CLEC4G: variants seen among roughly 807,000 people sequenced by gnomAD.
CLEC4G encodes the protein C-type lectin superfamily 4, member G.
CLEC4G carries 34 observed loss-of-function variants against 37.0 expected under a neutral mutation model. That is an observed-to-expected ratio of 0.92 (90% CI 0.70 to 1.22). CLEC4G has a LOEUF of 1.22. Ranked by LOEUF, CLEC4G falls within the 50% of genes most tolerant of loss-of-function variation. CLEC4G has a pLI of 0.00. For synonymous variants in CLEC4G, 167 were observed against 165.6 expected (o/e 1.01, Z -0.06); for missense variants, 390 against 392.9 (o/e 0.99, Z 0.06).
chr19:7,730,742 G>C lies in CLEC4G; in HGVS notation c.388+13C>G, dbSNP rs1257279550. 2 of 1,529,826 alleles carry C rather than the reference G, an allele frequency of 1.3e-6. No homozygotes were observed. Among genetic ancestry groups the C allele is most frequent in the Non-Finnish European group, 1.7e-6 (2 of 1,144,406 alleles). The allele number at this position is 1,529,826 out of a possible 1,614,324, so 94.8% of individuals were successfully genotyped here. A position where few individuals can be genotyped will look rare whatever the true frequency, so the allele number is the denominator to read the frequency against. ...GGCCAGGGCTCAGGGCCGGGGTCGC[G>C]TCGGGCCCTCACCGCGCTCACGCAG... is the stretch of plus-strand genomic sequence containing the variant. On this transcript the variant is annotated intron_variant, in intron 5 of 8. Coordinates refer to ENST00000328853, the MANE Select transcript of CLEC4G (RefSeq NM_198492.4). The surrounding 1 kb of genome is among the most constrained non-coding windows in gnomAD (Gnocchi z 7.3).
chr19:7,730,715 G>A lies in CLEC4G; in HGVS notation c.388+40C>T, dbSNP rs1041527643. On this transcript the variant is annotated intron_variant, in intron 5 of 8. Transcript: ENST00000328853. The surrounding 1 kb of genome is among the most constrained non-coding windows in gnomAD (Gnocchi z 7.3). The stretch of plus-strand genomic sequence containing the variant: ...CAGGACGGGGTCGGGGTCGGGGGAC[G>A]CGGCCAGGGCTCAGGGCCGGGGTCG... 3 of 1,510,078 alleles carry A rather than the reference G, an allele frequency of 2.0e-6. No individual in the cohort carries two copies. Among genetic ancestry groups the A allele is most frequent in the Non-Finnish European group, 2.6e-6 (3 of 1,133,712 alleles). 93.5% of individuals were successfully genotyped at this position (1,510,078 alleles called of 1,614,324 possible).
In CLEC4G at chr19:7,731,266, C is replaced by T; in HGVS notation, c.220G>A (p.Ala74Thr). Residue 74 changes from alanine (A) to threonine (T), a missense_variant and splice_region_variant, in exon 3 of 9, where the codon GCC becomes ACC. Physicochemically the swap from Ala to Thr is moderately conservative, Grantham distance 58. Transcript: ENST00000328853. ...LDGHDLLRTN[A>T]SKQTAALGAL... ...CCCAGGCGCCCGGCTCTGCACACAC[C>T]GTTTGTCCTCAGCAGGTCGTGGCCG... 1 of 1,592,266 alleles carries T rather than the reference C, an allele frequency of 6.3e-7. No homozygotes were observed. The highest frequency in any genetic ancestry group is 1.1e-5 in the South Asian group (1 of 88,522).
intron 8 of CLEC4G, 24 bp downstream of exon 8, chr19:7,729,797 T>C: frequency 6.2e-7 from 1 of 1,613,478 alleles, no homozygotes; most frequent in East Asian, 2.2e-5. Flanking sequence ...CCTCCCCAGG[T>C]CTCACCAGGA....
At position 7,729,150 on chromosome 19, in the gene CLEC4G, C is replaced by A. The variant is rs372921427; in HGVS notation, c.*216G>T. 7 of 677,866 alleles carry A rather than the reference C, an allele frequency of 1.0e-5. No homozygotes were observed. In the East Asian group the frequency reaches 1.7e-4, roughly 16 times the overall value. The allele number at this position is 677,866 out of a possible 1,614,324, so 42.0% of individuals were successfully genotyped here. ...GGAGCTAGTGGAGGTTAGGTTGGGTCTGCGTGAGTGGAGTTAGGATGAGGT... is the reference window on the plus strand; with the variant it reads ...GGAGCTAGTGGAGGTTAGGTTGGGTATGCGTGAGTGGAGTTAGGATGAGGT... On this transcript the variant is annotated 3_prime_UTR_variant, in exon 9 of 9. Transcript: ENST00000328853.
At chr19:7,731,858 G>T in intron 1 of CLEC4G, 87 bp from the exon 2 acceptor site, 2 of 1,541,216 alleles carry the variant, frequency 1.3e-6, no homozygotes, top group Non-Finnish European at 1.7e-6. Flanking sequence ...ATTCAGAGAA[G>T]TTAAGTAACT....
chr19:7,731,165 G>A, intron 3 of CLEC4G, 77 bp from the exon 4 acceptor site: 1 of 1,587,822 alleles, frequency 6.3e-7, no homozygotes, highest in Non-Finnish European at 8.5e-7. Context: ...TCCAGCCTCA[G>A]GGACCATAGG....
chr19:7,731,948 C>T (rs1599460198), intron 1 of CLEC4G, 100 bp downstream of exon 1: 2 of 1,455,946 alleles, frequency 1.4e-6, no homozygotes, highest in Admixed American at 1.7e-5. Flanking sequence ...TGTGGTGTCT[C>T]TCCTGCACCC....
Position 7,731,350 on chromosome 19 carries a change from G to C in CLEC4G, c.167-31C>G, listed in dbSNP as rs1440473081. 4.5e-6 allele frequency: 7 copies of C among 1,547,000 alleles called. No homozygotes were observed. In the Admixed American group the frequency reaches 9.7e-5, roughly 21 times the overall value. The stretch of plus-strand genomic sequence containing the variant: ...GAGAGAGGCTCCTGCAGGCGAGGCC[G>C]GGAACTCGGGAATCCTCCCCTCGCC... On this transcript the variant is annotated intron_variant, in intron 2 of 8. Transcript: ENST00000328853.
At chr19:7,731,805 A>G in intron 1 of CLEC4G, 34 bp from the exon 2 acceptor site, 1 of 1,599,158 alleles carries the variant, frequency 6.3e-7, no homozygotes, top group Non-Finnish European at 8.5e-7. Flanking sequence ...TGGGTCCCCC[A>G]GAACTGAGCC....
At chr19:7,729,733 C>T (rs562362861) in intron 8 of CLEC4G, 88 bp downstream of exon 8, 373 of 1,561,862 alleles carry the variant, frequency 2.4e-4, no homozygotes, top group Middle Eastern at 1.7e-4. Context: ...GAGCCCCAGC[C>T]GAGGGGTCCC....
At chr19:7,731,225 C>A in intron 3 of CLEC4G, 41 bp downstream of exon 3, 1 of 1,577,336 alleles carries the variant, frequency 6.3e-7, no homozygotes, top group East Asian at 2.3e-5. Context: ...AACTCCCGCC[C>A]CTCACGCCCC....
intron 8 of CLEC4G, 98 bp downstream of exon 8, chr19:7,729,723 G>C (rs115293707): frequency 0.068 from 105,616 of 1,548,018 alleles, 3,930 homozygotes; most frequent in Non-Finnish European, 0.074. Context: ...CCTAAGTATG[G>C]AGCCCCAGCC....
chr19:7,729,603 G>A, intron 8 of CLEC4G, 99 bp from the exon 9 acceptor site: 2 of 1,200,936 alleles, frequency 1.7e-6, no homozygotes, highest in Non-Finnish European at 2.4e-6. Flanking sequence ...TTATTGCTTG[G>A]GTCTACTCTA....
chr19:7,731,981 C>T lies in CLEC4G; in HGVS notation c.55+67G>A. The stretch of plus-strand genomic sequence containing the variant: ...CCCACAACCCTGGCCTGTCTCGACT[C>T]TTCCCTCCCCTCCCCCATCAAACCC... On this transcript the variant is annotated intron_variant, in intron 1 of 8. Coordinates refer to ENST00000328853, the MANE Select transcript of CLEC4G (RefSeq NM_198492.4). The T allele has an allele frequency of 2.0e-6, 3 of 1,466,964 alleles. No homozygotes were observed. The South Asian group carries it at 3.4e-5, about 17-fold the overall frequency. The allele number at this position is 1,466,964 out of a possible 1,614,324, so 90.9% of individuals were successfully genotyped here.
Position 7,731,697 on chromosome 19 carries a change from G to A in CLEC4G, c.130C>T (p.Leu44Phe). 1.2e-6 allele frequency: 2 copies of A among 1,614,146 alleles called. No homozygotes were observed. Among genetic ancestry groups the A allele is most frequent in the Non-Finnish European group, 1.7e-6 (2 of 1,180,002 alleles). The change falls in exon 2 of 9, where the codon CTT (leucine) becomes TTT (phenylalanine). Residue 44 changes from leucine (L) to phenylalanine (F), a missense_variant. Physicochemically the swap from Leu to Phe is conservative, Grantham distance 22. Transcript: ENST00000328853. ...AGGATACTCAGAATCACAGCCCAAA[G>A]GACTGTGGTGACCAGGACAGCCAGG... Reference protein sequence around the residue: ...LALAVLVTTVLWAVILSILLS... With the variant: ...LALAVLVTTVFWAVILSILLS...
rs866056649 is a variant in CLEC4G at position 7,729,840 on chromosome 19, C to G, written c.724G>C (p.Gly242Arg). 6.2e-7 allele frequency: 1 copy of G among 1,614,158 alleles called. No individual in the cohort carries two copies. Among genetic ancestry groups the G allele is most frequent in the Non-Finnish European group, 8.5e-7 (1 of 1,180,022 alleles). Reference sequence around the variant, plus strand: ...CCTCACCTGAAGCTGAGAGAGACTCCGTCCACCCACTGGTAGCCCTGAACC... The same window carrying G: ...CCTCACCTGAAGCTGAGAGAGACTCGGTCCACCCACTGGTAGCCCTGAACC... Reference protein sequence around the residue: ...GKVQGYQWVDGVSLSFSHWNQ... With the variant: ...GKVQGYQWVDRVSLSFSHWNQ... The change falls in exon 8 of 9, where the codon GGA becomes CGA. Residue 242 changes from glycine (G) to arginine (R), a missense_variant. Transcript: ENST00000328853.
At chr19:7,729,743 C>T in intron 8 of CLEC4G, 78 bp downstream of exon 8, 1 of 1,575,426 alleles carries the variant, frequency 6.3e-7, no homozygotes, top group East Asian at 2.2e-5. Flanking sequence ...CGAGGGGTCC[C>T]TGAGATCTAG....
Position 7,729,299 on chromosome 19 carries a change from A to G in CLEC4G, c.*67T>C, listed in dbSNP as rs760747296. On this transcript the variant is annotated 3_prime_UTR_variant, in exon 9 of 9. Transcript: ENST00000328853. ...TCTTTGGCAATCAGCTCCAGGAGCC[A>G]GGGAGGTGAGCAGCCCCCAGGATAC... is the stretch of plus-strand genomic sequence containing the variant. The G allele has an allele frequency of 2.6e-5, 27 of 1,044,944 alleles. No homozygotes were observed. The Admixed American group carries it at 4.4e-4, about 17-fold the overall frequency. The allele number at this position is 1,044,944 out of a possible 1,614,324, so 64.7% of individuals were successfully genotyped here.
At chr19:7,731,394 C>A in intron 2 of CLEC4G, 75 bp from the exon 3 acceptor site, 1 of 1,523,498 alleles carries the variant, frequency 6.6e-7, no homozygotes, top group Non-Finnish European at 8.8e-7. Context: ...GCAGCGTCCC[C>A]CAACTCGGGA....
Sources: allele counts gnomAD v4.1 joint callset, GRCh38; gene constraint gnomAD v4.1.1; non-coding constraint Gnocchi (gnomAD v3.1); transcripts MANE v1.5; gene names NCBI Gene and HGNC (gene_info 2026-07-23, HGNC 2026-07-21).